The following FANCI variants were observed in gnomAD, a reference collection of about 807,000 sequenced individuals.
FANCI encodes Fanconi anemia group I protein.
In FANCI, 156 loss-of-function variants were observed where a neutral mutation model predicts 176.1. That is an observed-to-expected ratio of 0.89 (90% CI 0.78 to 1.01). The LOEUF (loss-of-function observed/expected upper bound fraction) is 1.01. FANCI is among the 50% of genes least tolerant of loss of function. The pLI is 0.00. For synonymous variants in FANCI, 613 were observed against 541.7 expected (o/e 1.13, Z -1.83); for missense variants, 1,678 against 1,534.1 (o/e 1.09, Z -1.57).
At chr15:89,255,708 A>T (rs2052463302) in intron 2 of FANCI, among the ~76,000 whole-genome samples, 2 of 152,268 alleles carry the variant, frequency 1.3e-5, no homozygotes. Context: ...TGGTAGTTAC[A>T]GTCTGCCAAT....
chr15:89,287,580 G>C (rs2053869458), intron 18 of FANCI, among the ~76,000 whole-genome samples: 1 of 152,092 alleles, frequency 6.6e-6, no homozygotes, highest in South Asian at 2.1e-4. Flanking sequence ...TCACAACTTG[G>C]CTCTTTGGTG....
chr15:89,245,569 TG>T, intron 1 of FANCI, among the ~76,000 whole-genome samples: 1 of 151,660 alleles, frequency 6.6e-6, no homozygotes, highest in Middle Eastern at 3.4e-3. Context: ...AATAAAAGAT[TG>T]GGGGGCAGTG....
chr15:89,299,619 T>C (rs1303098855), intron 24 of FANCI, among the ~76,000 whole-genome samples, 181 bp from the exon 25 acceptor site: 1 of 152,218 alleles, frequency 6.6e-6, no homozygotes, highest in Admixed American at 6.5e-5. Flanking sequence ...GAATTGACTA[T>C]CAGTGAGCAC....
At chr15:89,264,701 T>C (rs2052864495) in intron 9 of FANCI, 94 bp downstream of exon 9, 4 of 1,103,518 alleles carry the variant, frequency 3.6e-6, no homozygotes, top group African/African-American at 1.6e-5. Context: ...TCTCACCGCC[T>C]ACCTTCACCT....
chr15:89,281,409 T>G, intron 15 of FANCI, 109 bp downstream of exon 15: 1 of 1,370,610 alleles, frequency 7.3e-7, no homozygotes, highest in Admixed American at 1.7e-5. Context: ...TCTATTCCAC[T>G]TTAGTCTGAA....
intron 36 of FANCI, among the ~76,000 whole-genome samples, chr15:89,315,000 G>A (rs1347638642): frequency 6.6e-6 from 1 of 151,694 alleles, no homozygotes; most frequent in African/African-American, 2.4e-5. Flanking sequence ...GTAGAGATGG[G>A]GTCTCACTAT....
chr15:89,317,246 A>G, downstream of FANCI: 2 of 794,584 alleles, frequency 2.5e-6, no homozygotes, highest in Non-Finnish European at 4.3e-6. Flanking sequence ...TTATAAACTG[A>G]AATTAGCCTA....
At chr15:89,293,188 C>T in intron 22 of FANCI, 125 bp downstream of exon 22, 1 of 1,021,336 alleles carries the variant, frequency 9.8e-7, no homozygotes, top group Non-Finnish European at 1.5e-6. Context: ...CTTAAATGAG[C>T]ACCTAGTCTA....
rs1467680973 is a variant in FANCI, at chr15:89,295,103, C to T, written c.2636+9C>T. 4 of 1,550,204 alleles carry T rather than the reference C, an allele frequency of 2.6e-6. No homozygotes were observed. Among genetic ancestry groups the T allele is most frequent in the East Asian group, 2.4e-5 (1 of 40,920 alleles). ...CTCTGTGACATAACTCGGTAAGCCACTCCCACCCCTTAGAAACTTATTCCA... is the reference window on the plus strand; with the variant it reads ...CTCTGTGACATAACTCGGTAAGCCATTCCCACCCCTTAGAAACTTATTCCA... On this transcript the variant is annotated intron_variant, in intron 24 of 37. Transcript: ENST00000310775.
intron 24 of FANCI, among the ~76,000 whole-genome samples, chr15:89,295,730 G>GCC (rs2054235820): frequency 2.4e-5 from 3 of 123,188 alleles, no homozygotes; most frequent in African/African-American, 6.4e-5. Flanking sequence ...CCTTCCCCTG[G>GCC]CGCCCCCCCC....
chr15:89,277,806 C>G (rs575827916), intron 13 of FANCI, among the ~76,000 whole-genome samples: 5 of 152,032 alleles, frequency 3.3e-5, no homozygotes, highest in Non-Finnish European at 7.4e-5. Flanking sequence ...GGTTAAACAA[C>G]TTTTCTAGTA....
rs144650480 is a variant in FANCI, at chr15:89,292,224, A to G, written c.1993-464A>G. Among the ~76,000 whole-genome samples the G allele has an allele frequency of 2.8e-4, 42 of 152,344 alleles. No individual in the cohort carries two copies. In the East Asian group the frequency reaches 7.3e-3, roughly 27 times the overall value. ...CCAAGTGACTTATAACTCATGGCAG[A>G]AGAAAGGAGGAAGTCTTTCAGTTGT... On this transcript the variant is annotated intron_variant, in intron 20 of 37. Transcript: ENST00000310775.
Position 89,312,940 on chromosome 15 carries a change from AAGG to A in FANCI, c.3691_3693del (p.Glu1231del). On this transcript the variant is annotated inframe_deletion, in exon 35 of 38. Coordinates refer to ENST00000310775, the MANE Select transcript of FANCI (RefSeq NM_001113378.2). ...GAGCCTGAACTATACGGGAGAGAAAAAGGAGAAACCTGCTGCCGTTGCCACAGC... is the reference window on the plus strand; with the variant it reads ...GAGCCTGAACTATACGGGAGAGAAAAAGAAACCTGCTGCCGTTGCCACAGC... 6.2e-7 allele frequency: 1 copy of A among 1,614,026 alleles called. No individual in the cohort carries two copies.
At chr15:89,246,927 A>G (rs2052010516) in intron 1 of FANCI, among the ~76,000 whole-genome samples, 1 of 151,246 alleles carries the variant, frequency 6.6e-6, no homozygotes, top group Non-Finnish European at 1.5e-5. Flanking sequence ...CACCACGCCC[A>G]GCTAATTTTT....
At position 89,268,159 on chromosome 15, in the gene FANCI, A is replaced by G. The variant is rs138899659; in HGVS notation, c.756-240A>G. Among the ~76,000 whole-genome samples, 415 of 152,220 alleles carry G rather than the reference A, an allele frequency of 2.7e-3. 8 individuals are homozygous for G. The highest frequency in any genetic ancestry group is 0.015 in the East Asian group (76 of 5,172). On this transcript the variant is annotated intron_variant, in intron 9 of 37. Transcript: ENST00000310775. ...GCCTAGGCTGAAGTGCAATGGCACAATCTTGGCTCACGGCAACGTCCACCT... is the reference window on the plus strand; with the variant it reads ...GCCTAGGCTGAAGTGCAATGGCACAGTCTTGGCTCACGGCAACGTCCACCT...
At chr15:89,296,913 G>A (rs12908558) in intron 24 of FANCI, among the ~76,000 whole-genome samples, 4 of 147,090 alleles carry the variant, frequency 2.7e-5, no homozygotes, top group Admixed American at 2.0e-4. Context: ...CTGGCCGGGC[G>A]GGGGGCTGAC....
chr15:89,293,816 T>C lies in FANCI; in HGVS notation c.2292-17T>C, dbSNP rs775115671. 2 of 1,612,382 alleles carry C rather than the reference T, an allele frequency of 1.2e-6. No individual in the cohort carries two copies. The highest frequency in any genetic ancestry group is 2.2e-5 in the South Asian group (2 of 90,974). On this transcript the variant is annotated splice_polypyrimidine_tract_variant and intron_variant, in intron 22 of 37. Transcript: ENST00000310775. ...TCTGATGTTTGTCCTTAGCGGTCTC[T>C]TTTTTGTTTTTTACAGTAAGAATAG...
chr15:89,273,083 T>A (rs890146942), intron 10 of FANCI, among the ~76,000 whole-genome samples: 2 of 152,048 alleles, frequency 1.3e-5, no homozygotes, highest in Non-Finnish European at 2.9e-5. Flanking sequence ...GAGGATCACT[T>A]GAGGCCAGGA....
intron 1 of FANCI, chr15:89,245,146 C>T (rs967093717): frequency 1.3e-5 from 2 of 148,676 alleles, no homozygotes; most frequent in Non-Finnish European, 2.9e-5. Context: ...CGTTTAACAA[C>T]CTATACTGAG....
Sources: allele counts gnomAD v4.1 joint callset (sites outside exome capture counted in the v4.1 genomes callset), GRCh38; gene constraint gnomAD v4.1.1; transcripts MANE v1.5; gene names NCBI Gene and HGNC (gene_info 2026-07-23, HGNC 2026-07-21).